Variants in AOAH observed in about 807,000 individuals in gnomAD.
The protein encoded by AOAH is acyloxyacyl hydrolase (neutrophil).
AOAH carries 64 observed loss-of-function variants against 92.2 expected under a neutral mutation model. The ratio of observed to expected loss-of-function variants is 0.69; its 90% CI spans 0.57 to 0.86. AOAH has a LOEUF of 0.86. Ranked by LOEUF, AOAH falls within the 40% of genes least tolerant of loss-of-function variation. The pLI is 0.00. For missense variants in AOAH, 656 were observed against 694.6 expected (o/e 0.94, Z 0.62); for synonymous variants, 263 against 254.5 (o/e 1.03, Z -0.32).
chr7:36,587,127 A>C (rs60091956), intron 12 of AOAH, among the ~76,000 whole-genome samples: 36,472 of 151,582 alleles, frequency 0.24, 5,438 homozygotes, highest in African/African-American at 0.41. Flanking sequence ...AAAAAATTAG[A>C]TGGGTGTGGC....
rs758543171 is a variant in AOAH, at chr7:36,540,526, A to G, written c.1134-35T>C. The stretch of plus-strand genomic sequence containing the variant: ...GAATAAACAGAAAATATCTTGGTTG[A>G]TTGTAAGGATAGATGCATGCAAGTT... On this transcript the variant is annotated intron_variant, in intron 15 of 20. Transcript: ENST00000617537. 21 of 1,584,084 alleles carry G rather than the reference A, an allele frequency of 1.3e-5. No homozygotes were observed. In the Admixed American group the frequency reaches 3.6e-4, roughly 27 times the overall value.
intron 11 of AOAH, among the ~76,000 whole-genome samples, chr7:36,609,088 A>G (rs1407154629): frequency 6.6e-6 from 1 of 151,980 alleles, no homozygotes; most frequent in African/African-American, 2.4e-5. Flanking sequence ...GTCAACCCCA[A>G]CCCGGTGAGT....
At chr7:36,611,953 G>A (rs1285468730) in intron 11 of AOAH, among the ~76,000 whole-genome samples, 3 of 152,134 alleles carry the variant, frequency 2.0e-5, no homozygotes, top group African/African-American at 7.2e-5. Context: ...TATGACCTTG[G>A]GCAGTCCACA....
At chr7:36,685,914 C>T (rs1447254522) in intron 2 of AOAH, among the ~76,000 whole-genome samples, 1 of 152,038 alleles carries the variant, frequency 6.6e-6, no homozygotes, top group Non-Finnish European at 1.5e-5. Context: ...GACTTTGATG[C>T]TATTGGCACA....
chr7:36,552,817 A>G (rs1248201357), intron 13 of AOAH, among the ~76,000 whole-genome samples: 3 of 152,162 alleles, frequency 2.0e-5, no homozygotes, highest in Non-Finnish European at 4.4e-5. Context: ...AAGTGAGAAC[A>G]TATGGTATTT....
intron 20 of AOAH, among the ~76,000 whole-genome samples, chr7:36,520,104 A>T (rs1035983671): frequency 3.9e-5 from 6 of 152,178 alleles, no homozygotes; most frequent in African/African-American, 1.4e-4. Flanking sequence ...GCACACATTG[A>T]TTTTCAGCTT....
chr7:36,699,099 C>T (rs529912990), intron 1 of AOAH, among the ~76,000 whole-genome samples: 1 of 151,860 alleles, frequency 6.6e-6, no homozygotes, highest in Non-Finnish European at 1.5e-5. Flanking sequence ...AATATAGGAA[C>T]CTCCAGTTAC....
intron 4 of AOAH, among the ~76,000 whole-genome samples, chr7:36,654,126 C>CATGCATCCCTGTGCGTGTGTGT (rs1554305697): frequency 5.3e-5 from 8 of 151,158 alleles, no homozygotes; most frequent in Non-Finnish European, 4.4e-5. Flanking sequence ...TGCGTGTGTG[C>CATGCATCCCTGTGCGTGTGTGT]GTACACACAC....
At chr7:36,592,545 C>A (rs1342256859) in intron 12 of AOAH, among the ~76,000 whole-genome samples, 1 of 152,172 alleles carries the variant, frequency 6.6e-6, no homozygotes, top group African/African-American at 2.4e-5. Flanking sequence ...TATTCCCACA[C>A]AAAGAATAAA....
At chr7:36,684,047 A>G (rs1261947355) in intron 2 of AOAH, among the ~76,000 whole-genome samples, 1 of 152,120 alleles carries the variant, frequency 6.6e-6, no homozygotes, top group Non-Finnish European at 1.5e-5. Context: ...ATTCCTAAGC[A>G]TCTGGTTTGT....
chr7:36,717,017 TAAAA>T (rs1554327419), intron 1 of AOAH, among the ~76,000 whole-genome samples: 8 of 123,516 alleles, frequency 6.5e-5, no homozygotes, highest in African/African-American at 9.1e-5. Flanking sequence ...AATAAATAAA[TAAAA>T]AAGCATAGTC....
chr7:36,522,231 C>T (rs988707021), intron 19 of AOAH, 116 bp from the exon 20 acceptor site: 9 of 818,866 alleles, frequency 1.1e-5, no homozygotes, highest in African/African-American at 3.4e-5. Flanking sequence ...GACCAAGCCA[C>T]GGCTGCCTCT....
intron 11 of AOAH, among the ~76,000 whole-genome samples, chr7:36,595,873 C>A (rs970664299): frequency 1.3e-5 from 2 of 152,158 alleles, no homozygotes; most frequent in African/African-American, 4.8e-5. Flanking sequence ...CTTGAGTCCT[C>A]CTTTAATGCT....
chr7:36,545,083 G>A (rs1373542248), intron 15 of AOAH, among the ~76,000 whole-genome samples: 3 of 150,788 alleles, frequency 2.0e-5, no homozygotes, highest in Non-Finnish European at 2.9e-5. Flanking sequence ...ACAGGGTCTC[G>A]CTCTATCACC....
intron 12 of AOAH, among the ~76,000 whole-genome samples, chr7:36,584,441 A>G (rs1383097174): frequency 2.6e-5 from 4 of 152,226 alleles, no homozygotes; most frequent in Non-Finnish European, 5.9e-5. Context: ...TTGCAAAATT[A>G]CATCATTCTG....
chr7:36,541,551 T>C (rs1271687368), intron 15 of AOAH, among the ~76,000 whole-genome samples: 1 of 152,220 alleles, frequency 6.6e-6, no homozygotes, highest in Non-Finnish European at 1.5e-5. Flanking sequence ...TGAAGTTATG[T>C]TAAAATTGCA....
intron 11 of AOAH, among the ~76,000 whole-genome samples, chr7:36,606,424 C>A (rs1791006282): frequency 6.6e-6 from 1 of 152,198 alleles, no homozygotes; most frequent in African/African-American, 2.4e-5. Context: ...TGACACAGCA[C>A]GAAATTCAAT....
At chr7:36,551,080 T>C (rs1394199872) in intron 13 of AOAH, among the ~76,000 whole-genome samples, 3 of 150,566 alleles carry the variant, frequency 2.0e-5, no homozygotes, top group African/African-American at 4.9e-5. Context: ...TTCTTTCTTT[T>C]TTTTTTTTTT....
At chr7:36,644,077 A>G (rs1794083917) in intron 4 of AOAH, among the ~76,000 whole-genome samples, 1 of 152,270 alleles carries the variant, frequency 6.6e-6, no homozygotes, top group East Asian at 1.9e-4. Context: ...GGAATGAGAC[A>G]TCAAGGCTGT....
Sources: allele counts gnomAD v4.1 joint callset (sites outside exome capture counted in the v4.1 genomes callset), GRCh38; gene constraint gnomAD v4.1.1; transcripts MANE v1.5; gene names NCBI Gene and HGNC (gene_info 2026-07-23, HGNC 2026-07-21).